DHX34: variants seen among roughly 807,000 people sequenced by gnomAD.
DHX34 encodes the protein DExH-box helicase 34.
DHX34 carries 96 observed loss-of-function variants against 111.1 expected under a neutral mutation model. The ratio of observed to expected loss-of-function variants is 0.86; its 90% CI spans 0.73 to 1.02. The LOEUF (loss-of-function observed/expected upper bound fraction) is 1.02, where lower values mean the gene tolerates loss of function less well. Ranked by LOEUF, DHX34 falls within the 50% of genes least tolerant of loss-of-function variation. The pLI, the probability that DHX34 is intolerant of heterozygous loss-of-function variation, is 0.00. For missense variants in DHX34, 1,560 were observed against 1,579.9 expected (o/e 0.99, Z 0.21); for synonymous variants, 688 against 670.4 (o/e 1.03, Z -0.41).
At chr19:47,377,015 G>A in intron 12 of DHX34, 85 bp from the exon 13 acceptor site, 2 of 1,603,350 alleles carry the variant, frequency 1.2e-6, no homozygotes, top group Non-Finnish European at 1.7e-6. Context: ...CTATCGATGT[G>A]TACTTTGACC....
At chr19:47,351,596 AAG>A (rs2122205332) in intron 1 of DHX34, among the ~76,000 whole-genome samples, 1 of 152,236 alleles carries the variant, frequency 6.6e-6, no homozygotes, top group East Asian at 1.9e-4. Flanking sequence ...GATTTTAGGA[AAG>A]ACTCTGTCAT....
At chr19:47,380,015 C>G (rs771300890) in intron 14 of DHX34, 30 bp downstream of exon 14, 3 of 1,550,790 alleles carry the variant, frequency 1.9e-6, no homozygotes, top group Admixed American at 1.8e-5. Context: ...CCGTGCCTCC[C>G]TATGGCCAGA....
At position 47,362,605 on chromosome 19, in the gene DHX34, G is replaced by A. The variant is rs1400103983; in HGVS notation, c.1505G>A (p.Arg502His). Residue 502 changes from arginine to histidine, a missense_variant, in exon 6 of 17, where the codon CGC becomes CAC. Transcript: ENST00000328771. ...CGCACGGGCCCCGGAGTCTGCTTCC[G>A]CCTCTATGCCGAATCGGACTATGAT... ...AGRTGPGVCF[R>H]LYAESDYDAF... The A allele has an allele frequency of 5.6e-6, 9 of 1,613,766 alleles. No individual in the cohort carries two copies. The highest frequency in any genetic ancestry group is 2.2e-5 in the East Asian group (1 of 44,868).
intron 7 of DHX34, 27 bp from the exon 8 acceptor site, chr19:47,372,703 G>GC: frequency 6.4e-7 from 1 of 1,551,232 alleles, no homozygotes; most frequent in Middle Eastern, 1.9e-4. Context: ...GCACCCAGGA[G>GC]CCTCAACCCC....
Position 47,376,494 on chromosome 19 carries a change from T to G in DHX34, c.2533T>G (p.Phe845Val). ...QGAVLHPTCV[F>V]AGSPEVLHAQ... ...CGCCGTGCTGCACCCCACCTGCGTC[T>G]TCGCTGGCAGCCCCGAGGTGCTGCA... The change falls in exon 12 of 17, where the codon TTC (phenylalanine) becomes GTC (valine). Residue 845 changes from phenylalanine to valine, a missense_variant. By Grantham distance (50) the Phe-to-Val change is conservative. Coordinates refer to ENST00000328771, the MANE Select transcript of DHX34 (RefSeq NM_014681.6). 6.2e-7 allele frequency: 1 copy of G among 1,607,704 alleles called. No homozygotes were observed. Among genetic ancestry groups the G allele is most frequent in the Non-Finnish European group, 8.5e-7 (1 of 1,177,504 alleles).
At position 47,380,864 on chromosome 19, in the gene DHX34, T is replaced by C. The variant is rs200843215; in HGVS notation, c.3031T>C (p.Tyr1011His). 1 of 1,613,936 alleles carries C rather than the reference T, an allele frequency of 6.2e-7. No individual in the cohort carries two copies. The highest frequency in any genetic ancestry group is 8.5e-7 in the Non-Finnish European group (1 of 1,179,910). The change falls in exon 15 of 17, where the codon TAT (tyrosine) becomes CAT (histidine). Residue 1011 changes from tyrosine to histidine, a missense_variant. Transcript: ENST00000328771. ...CACAGGGCTAGAAGTCCAGAACATG[T>C]ATGTGGGACCCCAGACCATCCCAGC... ...RLTGLEVQNM[Y>H]VGPQTIPATP... is the part of the protein sequence containing the mutation.
At chr19:47,350,715 C>T (rs1185679652) in intron 1 of DHX34, among the ~76,000 whole-genome samples, 2 of 151,878 alleles carry the variant, frequency 1.3e-5, no homozygotes, top group East Asian at 1.9e-4. Context: ...CCACCATGCC[C>T]GGCCTGAAAA....
chr19:47,351,964 G>A (rs192802633), intron 1 of DHX34, among the ~76,000 whole-genome samples: 1 of 152,300 alleles, frequency 6.6e-6, no homozygotes, highest in African/African-American at 2.4e-5. Context: ...TATAACACTT[G>A]CAAAATTTTG....
intron 1 of DHX34, among the ~76,000 whole-genome samples, chr19:47,351,750 C>T (rs770800264): frequency 6.6e-6 from 1 of 152,120 alleles, no homozygotes; most frequent in African/African-American, 2.4e-5. Flanking sequence ...ATCATGTGTC[C>T]GCTTCTCAGG....
At chr19:47,350,359 G>A (rs1969247829) in intron 1 of DHX34, among the ~76,000 whole-genome samples, 1 of 152,028 alleles carries the variant, frequency 6.6e-6, no homozygotes, top group East Asian at 1.9e-4. Flanking sequence ...CGCCGTGATT[G>A]TGCCACTGCA....
At chr19:47,368,795 C>A (rs1969882474) in intron 7 of DHX34, among the ~76,000 whole-genome samples, 1 of 151,904 alleles carries the variant, frequency 6.6e-6, no homozygotes, top group African/African-American at 2.4e-5. Flanking sequence ...CTCATTGGAA[C>A]TTCTGCCTCC....
intron 13 of DHX34, among the ~76,000 whole-genome samples, chr19:47,377,550 C>A (rs1045894290): frequency 3.3e-4 from 40 of 122,218 alleles, no homozygotes; most frequent in Non-Finnish European, 5.4e-4. Context: ...GGAGGGTGGA[C>A]ACAGGGTGTG....
chr19:47,359,657 C>G (rs900000070), intron 4 of DHX34, among the ~76,000 whole-genome samples: 4 of 152,020 alleles, frequency 2.6e-5, no homozygotes, highest in African/African-American at 9.7e-5. Context: ...TGGCGGGCAC[C>G]TGTAATCCCA....
In DHX34 at chr19:47,381,226, G is replaced by C. The variant is rs1334760917; in HGVS notation, c.3200G>C (p.Trp1067Ser). The change falls in exon 16 of 17, where the codon TGG becomes TCG. Residue 1067 changes from tryptophan (W) to serine (S), a missense_variant. Transcript: ENST00000328771. ...DLYSDCLRTF[W>S]TCPHCGLHAP... ...TACAGCGACTGTCTCCGAACCTTCTGGACCTGCCCCCACTGTGGCCTGCAT... is the reference window on the plus strand; with the variant it reads ...TACAGCGACTGTCTCCGAACCTTCTCGACCTGCCCCCACTGTGGCCTGCAT... The C allele has an allele frequency of 6.2e-7, 1 of 1,614,110 alleles. No homozygotes were observed. The highest frequency in any genetic ancestry group is 1.3e-5 in the African/African-American group (1 of 75,044).
intron 5 of DHX34, among the ~76,000 whole-genome samples, chr19:47,361,056 G>A (rs890241317): frequency 1.3e-4 from 20 of 152,348 alleles, no homozygotes; most frequent in African/African-American, 4.8e-4. Context: ...ATAGCATAGT[G>A]TTTGGAGACA....
chr19:47,375,478 G>T lies in DHX34; in HGVS notation c.2077G>T (p.Asp693Tyr). The change falls in exon 10 of 17, where the codon GAC becomes TAC. Residue 693 changes from aspartate (D) to tyrosine (Y), a missense_variant. Coordinates refer to ENST00000328771, the MANE Select transcript of DHX34 (RefSeq NM_014681.6). Reference protein sequence around the residue: ...LRRQFKELLEDHGLLAGAQAA... With the variant: ...LRRQFKELLEYHGLLAGAQAA... The stretch of plus-strand genomic sequence containing the variant: ...CACCTGCCCCTAGGAGCTGTTGGAG[G>T]ACCACGGGCTGCTGGCTGGGGCCCA... 1 of 1,582,476 alleles carries T rather than the reference G, an allele frequency of 6.3e-7. No individual in the cohort carries two copies.
At chr19:47,362,383 G>C in intron 5 of DHX34, 93 bp from the exon 6 acceptor site, 1 of 1,398,332 alleles carries the variant, frequency 7.2e-7, no homozygotes, top group Non-Finnish European at 9.3e-7. Flanking sequence ...AAAGGAGTAA[G>C]TGAGGGTGTT....
rs140502848 is a variant in DHX34 at position 47,358,449 on chromosome 19, C to T, written c.1272+329C>T. Among the ~76,000 whole-genome samples, 704 of 149,926 alleles carry T rather than the reference C, an allele frequency of 4.7e-3. 6 individuals carry two copies. The highest frequency in any genetic ancestry group is 0.016 in the African/African-American group (659 of 40,326). On this transcript the variant is annotated intron_variant, in intron 4 of 16. Transcript: ENST00000328771. ...AAACTGAGTGGGTGAGGCTGTGTTC[C>T]AAAACAGTTTTTTTTTTTTTTTGAA...
intron 13 of DHX34, among the ~76,000 whole-genome samples, chr19:47,377,532 G>A (rs748491512): frequency 2.6e-5 from 4 of 152,192 alleles, no homozygotes; most frequent in African/African-American, 7.2e-5. Context: ...TGCCCTGAGC[G>A]ACGTGTGGGA....
Sources: gnomAD v4.1 joint callset for allele counts (sites outside exome capture counted in the v4.1 genomes callset) on GRCh38, gnomAD v4.1.1 for gene constraint, MANE v1.5 for transcripts, NCBI Gene and HGNC (gene_info 2026-07-23, HGNC 2026-07-21) for gene names.